The following FAM227B variants were observed in gnomAD, a reference collection of about 807,000 sequenced individuals.
The protein encoded by FAM227B is protein FAM227B.
In FAM227B, 88 loss-of-function variants were observed where a neutral mutation model predicts 73.8. The observed-to-expected ratio is 1.19, with a 90% CI of 1.00 to 1.42. FAM227B has a LOEUF of 1.42. FAM227B is among the 40% of genes most tolerant of loss of function. The pLI is 0.00. For missense variants in FAM227B, 632 were observed against 590.9 expected (o/e 1.07, Z -0.72); for synonymous variants, 210 against 190.5 (o/e 1.10, Z -0.84).
At chr15:49,341,678 G>A (rs2040752083) in intron 13 of FAM227B, among the ~76,000 whole-genome samples, 1 of 152,174 alleles carries the variant, frequency 6.6e-6, no homozygotes, top group Non-Finnish European at 1.5e-5. Flanking sequence ...TTTGAGGTAA[G>A]CATTAGTGCT....
intron 11 of FAM227B, among the ~76,000 whole-genome samples, chr15:49,376,970 T>C (rs1446116048): frequency 6.6e-6 from 1 of 152,048 alleles, no homozygotes; most frequent in African/African-American, 2.4e-5. Context: ...GTCTTATTCA[T>C]TTTTTCTAGC....
At chr15:49,455,917 G>A (rs2053241366) in intron 11 of FAM227B, among the ~76,000 whole-genome samples, 4 of 152,030 alleles carry the variant, frequency 2.6e-5, no homozygotes, top group South Asian at 4.2e-4. Flanking sequence ...AGCTCCAAAT[G>A]TGTTGGAAAT....
chr15:49,576,475 CAAG>C, intron 7 of FAM227B: 1 of 273,784 alleles, frequency 3.7e-6, no homozygotes. Context: ...CAGGAACAGA[CAAG>C]AAGGAAAAAA....
chr15:49,595,688 G>T (rs979811492), intron 3 of FAM227B, among the ~76,000 whole-genome samples: 4 of 151,190 alleles, frequency 2.6e-5, no homozygotes, highest in Non-Finnish European at 4.4e-5. Context: ...CACCGAGAAA[G>T]GGGAAAACAA....
chr15:49,467,244 T>C (rs2054348109), intron 11 of FAM227B, among the ~76,000 whole-genome samples: 1 of 152,182 alleles, frequency 6.6e-6, no homozygotes, highest in South Asian at 2.1e-4. Context: ...CTCCTAGAGG[T>C]AGCTATGAAC....
At chr15:49,466,147 T>C (rs558839269) in intron 11 of FAM227B, among the ~76,000 whole-genome samples, 29 of 152,224 alleles carry the variant, frequency 1.9e-4, no homozygotes, top group Non-Finnish European at 3.2e-4. Context: ...AATTTCAATT[T>C]GGGTACTCAG....
At chr15:49,551,081 A>C (rs955251973) in intron 9 of FAM227B, among the ~76,000 whole-genome samples, 10 of 152,226 alleles carry the variant, frequency 6.6e-5, no homozygotes, top group African/African-American at 2.2e-4. Context: ...GGAGCTGGAG[A>C]CCAGCCCAGC....
chr15:49,404,391 G>T (rs982315366), intron 11 of FAM227B, among the ~76,000 whole-genome samples: 9 of 152,154 alleles, frequency 5.9e-5, no homozygotes, highest in African/African-American at 2.2e-4. Context: ...CTGTATGAGA[G>T]TCTAAGTCTC....
intron 10 of FAM227B, among the ~76,000 whole-genome samples, chr15:49,529,099 A>G (rs2060421414): frequency 6.6e-6 from 1 of 151,854 alleles, no homozygotes; most frequent in East Asian, 1.9e-4. Context: ...GGATGATCAG[A>G]TAAAGAAAAT....
rs1185488809 is a variant in FAM227B at position 49,355,584 on chromosome 15, G to A, written c.1271+11864C>T. On this transcript the variant is annotated intron_variant, in intron 13 of 15. Transcript: ENST00000299338. ...GAGCAAAGCCTCCAAGAAATATGGG[G>A]CTATGTGAAAAGACCAAATCTACGT... is the stretch of plus-strand genomic sequence containing the variant. Among the ~76,000 whole-genome samples the A allele has an allele frequency of 5.9e-5, 9 of 152,272 alleles. No individual in the cohort carries two copies. The East Asian group carries it at 7.7e-4, about 13-fold the overall frequency.
At chr15:49,437,749 C>T (rs973768962) in intron 11 of FAM227B, among the ~76,000 whole-genome samples, 1 of 151,596 alleles carries the variant, frequency 6.6e-6, no homozygotes, top group African/African-American at 2.4e-5. Context: ...TGTGTATGCA[C>T]AGATACACAA....
chr15:49,341,368 A>G (rs1412199142), intron 13 of FAM227B, among the ~76,000 whole-genome samples: 2 of 152,156 alleles, frequency 1.3e-5, no homozygotes, highest in Non-Finnish European at 2.9e-5. Flanking sequence ...AACAATATTG[A>G]TTCTTCCAAC....
chr15:49,474,268 T>C (rs1281670846), intron 11 of FAM227B, among the ~76,000 whole-genome samples: 2 of 152,182 alleles, frequency 1.3e-5, no homozygotes, highest in Non-Finnish European at 2.9e-5. Flanking sequence ...CTGGAATTCA[T>C]ACCGTATGAG....
At position 49,386,907 on chromosome 15, in the gene FAM227B, G is replaced by C. The variant is rs569212610; in HGVS notation, c.1013-15508C>G. Among the ~76,000 whole-genome samples, 3 of 151,938 alleles carry C rather than the reference G, an allele frequency of 2.0e-5. No homozygotes were observed. In the South Asian group the frequency reaches 6.2e-4, roughly 31 times the overall value. ...CAAACTAGAAAACCTAGAGGAAATGGATGAATTCCTGGAAACATACAATCC... is the reference window on the plus strand; with the variant it reads ...CAAACTAGAAAACCTAGAGGAAATGCATGAATTCCTGGAAACATACAATCC... On this transcript the variant is annotated intron_variant, in intron 11 of 15. Coordinates refer to ENST00000299338, the MANE Select transcript of FAM227B (RefSeq NM_152647.3).
intron 11 of FAM227B, chr15:49,424,507 C>T (rs1253531296): frequency 3.7e-6 from 6 of 1,612,824 alleles, no homozygotes; most frequent in Non-Finnish European, 5.1e-6. Flanking sequence ...GAAGACTCTT[C>T]TGTCGAACAC....
intron 10 of FAM227B, among the ~76,000 whole-genome samples, chr15:49,526,057 T>C (rs970147218): frequency 6.6e-6 from 1 of 151,924 alleles, no homozygotes; most frequent in African/African-American, 2.4e-5. Context: ...ACGAACCTAA[T>C]AGACATTTAA....
chr15:49,418,546 C>G (rs2049374408), intron 11 of FAM227B, among the ~76,000 whole-genome samples: 1 of 152,090 alleles, frequency 6.6e-6, no homozygotes, highest in Admixed American at 6.6e-5. Context: ...AACACAGGAA[C>G]AGCAAATCAA....
At chr15:49,450,607 G>A (rs2052634809) in intron 11 of FAM227B, among the ~76,000 whole-genome samples, 1 of 152,038 alleles carries the variant, frequency 6.6e-6, no homozygotes, top group Non-Finnish European at 1.5e-5. Flanking sequence ...GTTTCCAGTG[G>A]TACAATTCAA....
At chr15:49,562,037 A>G (rs2074304232) in intron 9 of FAM227B, among the ~76,000 whole-genome samples, 1 of 152,036 alleles carries the variant, frequency 6.6e-6, no homozygotes, top group Admixed American at 6.5e-5. Flanking sequence ...AGAAATCCAT[A>G]AAAAGGATCA....
Sources: allele counts gnomAD v4.1 joint callset (sites outside exome capture counted in the v4.1 genomes callset), GRCh38; gene constraint gnomAD v4.1.1; transcripts MANE v1.5; gene names NCBI Gene and HGNC (gene_info 2026-07-23, HGNC 2026-07-21).